The following TNKS variants were observed in gnomAD, a reference collection of about 807,000 sequenced individuals.
TNKS encodes poly [ADP-ribose] polymerase tankyrase-1.
A neutral mutation model predicts 135.8 loss-of-function variants in TNKS; 72 were observed. The observed-to-expected ratio is 0.53, with a 90% CI of 0.44 to 0.64. The LOEUF is 0.64. Ranked by LOEUF, TNKS falls within the 30% of genes least tolerant of loss-of-function variation. The pLI, the probability that TNKS is intolerant of heterozygous loss-of-function variation, is 0.00. For missense variants in TNKS, 1,769 were observed against 1,674.0 expected, an observed-to-expected ratio of 1.06 and a Z score of -0.99; for synonymous variants, 849 against 649.3, an observed-to-expected ratio of 1.31 and a Z score of -4.68.
chr8:9,668,828 T>C (rs192197867), intron 3 of TNKS, among the ~76,000 whole-genome samples: 124 of 152,312 alleles, frequency 8.1e-4, no homozygotes, highest in African/African-American at 2.8e-3. Flanking sequence ...TAAGGTGGAA[T>C]AGGGAACAGT....
intron 2 of TNKS, among the ~76,000 whole-genome samples, chr8:9,590,134 A>G (rs533916030): frequency 3.3e-4 from 50 of 152,266 alleles, no homozygotes; most frequent in African/African-American, 1.2e-3. Context: ...AATGCTCCAC[A>G]TAATTCCAGG....
intron 9 of TNKS, among the ~76,000 whole-genome samples, chr8:9,709,660 TTATGA>T (rs1804222450): frequency 1.3e-5 from 2 of 152,324 alleles, no homozygotes; most frequent in South Asian, 4.1e-4. Flanking sequence ...GGCATACGTA[TTATGA>T]TGCTCTCCAT....
At chr8:9,660,435 AC>A (rs1264794149) in intron 3 of TNKS, among the ~76,000 whole-genome samples, 3 of 152,220 alleles carry the variant, frequency 2.0e-5, no homozygotes, top group Non-Finnish European at 4.4e-5. Context: ...CGTTCAACAT[AC>A]GAAAATCAAT....
At chr8:9,672,530 C>T (rs1802323631) in intron 3 of TNKS, among the ~76,000 whole-genome samples, 1 of 151,526 alleles carries the variant, frequency 6.6e-6, no homozygotes, top group African/African-American at 2.4e-5. Flanking sequence ...GAATTGATGG[C>T]TGTAGAAAAA....
At chr8:9,700,365 G>C (rs1354685497) in intron 5 of TNKS, among the ~76,000 whole-genome samples, 1 of 152,178 alleles carries the variant, frequency 6.6e-6, no homozygotes, top group African/African-American at 2.4e-5. Flanking sequence ...CGCTTTCCTT[G>C]TTTTCATTGC....
At chr8:9,689,263 A>C (rs929483235) in intron 5 of TNKS, among the ~76,000 whole-genome samples, 4 of 152,208 alleles carry the variant, frequency 2.6e-5, no homozygotes, top group Non-Finnish European at 5.9e-5. Flanking sequence ...TATGAAAACA[A>C]ATTTCTAGAA....
At chr8:9,726,776 C>A in intron 13 of TNKS, 56 bp downstream of exon 13, 1 of 1,350,316 alleles carries the variant, frequency 7.4e-7, no homozygotes, top group East Asian at 2.3e-5. Context: ...CTAACCAATT[C>A]ATTTTTAAGC....
intron 5 of TNKS, among the ~76,000 whole-genome samples, chr8:9,689,320 A>C (rs943419169): frequency 1.3e-5 from 2 of 152,212 alleles, no homozygotes; most frequent in Non-Finnish European, 2.9e-5. Context: ...GAATGTTTTC[A>C]GTGACTAATT....
chr8:9,689,769 A>G (rs925307169), intron 5 of TNKS, among the ~76,000 whole-genome samples: 4 of 152,214 alleles, frequency 2.6e-5, no homozygotes, highest in Non-Finnish European at 5.9e-5. Context: ...TCTTAGCCAC[A>G]TTAAAATCAG....
In TNKS at chr8:9,748,193, C is replaced by CTCT; in HGVS notation, c.2813_2814insTCT (p.Thr938_Pro939insLeu). 6.3e-7 allele frequency: 1 copy of CTCT among 1,575,182 alleles called. No individual in the cohort carries two copies. Among genetic ancestry groups the CTCT allele is most frequent in the Non-Finnish European group, 8.6e-7 (1 of 1,160,648 alleles). Reference sequence around the variant, plus strand: ...ACCATGAAGAACCAGGAAGGCCAGACGCCTCTGGATCTGGCAACAGTAAGT... The same window carrying CTCT: ...ACCATGAAGAACCAGGAAGGCCAGACTCTGCCTCTGGATCTGGCAACAGTAAGT... On this transcript the variant is annotated inframe_insertion, in exon 18 of 27. Transcript: ENST00000310430.
intron 11 of TNKS, among the ~76,000 whole-genome samples, chr8:9,713,719 C>T (rs181491776): frequency 1.1e-4 from 17 of 152,248 alleles, no homozygotes; most frequent in Non-Finnish European, 2.1e-4. Flanking sequence ...TATCAAATGC[C>T]GTAGCAACTC....
intron 17 of TNKS, among the ~76,000 whole-genome samples, chr8:9,738,705 C>T (rs545850978): frequency 4.7e-5 from 3 of 64,382 alleles, no homozygotes; most frequent in East Asian, 8.2e-4. Context: ...TGTAGTTGAG[C>T]GGCTTTGAGT....
At chr8:9,713,595 C>A (rs909972898) in intron 11 of TNKS, among the ~76,000 whole-genome samples, 1 of 152,280 alleles carries the variant, frequency 6.6e-6, no homozygotes, top group Non-Finnish European at 1.5e-5. Flanking sequence ...TCATCCTAGT[C>A]TTTCCACTGT....
chr8:9,748,496 A>C (rs1361424774), intron 18 of TNKS, among the ~76,000 whole-genome samples: 2 of 152,230 alleles, frequency 1.3e-5, no homozygotes, highest in Admixed American at 6.5e-5. Context: ...AATTATATTT[A>C]GTAAAATATC....
Position 9,556,187 on chromosome 8 carries a change from C to T in TNKS, c.248C>T (p.Pro83Leu), listed in dbSNP as rs755714513. 1.9e-6 allele frequency: 3 copies of T among 1,613,340 alleles called. No individual in the cohort carries two copies. Among genetic ancestry groups the T allele is most frequent in the Non-Finnish European group, 2.5e-6 (3 of 1,179,532 alleles). The change falls in exon 1 of 27, where the codon CCG becomes CTG. Residue 83 changes from proline to leucine, a missense_variant. By Grantham distance (98) the Pro-to-Leu change is moderately conservative (BLOSUM62 -3). This residue lies in a region of TNKS where 450 missense variants were observed against 304.9 expected (regional missense o/e 1.48). Coordinates refer to ENST00000310430, the MANE Select transcript of TNKS (RefSeq NM_003747.3). ...CCCGACAGGCCCCGATCCCCGGACC[C>T]GGTTGACGGTACCAGCTGTTGCAGT... is the stretch of plus-strand genomic sequence containing the variant. ...DPPDRPRSPDPVDGTSCCSTT... is the reference protein window; with the variant it reads ...DPPDRPRSPDLVDGTSCCSTT...
intron 13 of TNKS, among the ~76,000 whole-genome samples, chr8:9,728,501 A>G (rs1805264583): frequency 6.6e-6 from 1 of 152,164 alleles, no homozygotes; most frequent in South Asian, 2.1e-4. Context: ...ACCTATTCCT[A>G]TTTTGTCAGT....
intron 5 of TNKS, among the ~76,000 whole-genome samples, chr8:9,688,474 G>T (rs1803114065): frequency 6.6e-6 from 1 of 152,130 alleles, no homozygotes; most frequent in Non-Finnish European, 1.5e-5. Flanking sequence ...TTAATTCATT[G>T]TATACCATTT....
At chr8:9,592,459 T>C (rs114045564) in intron 2 of TNKS, among the ~76,000 whole-genome samples, 1,740 of 152,300 alleles carry the variant, frequency 0.011, 15 homozygotes, top group African/African-American at 0.024. Flanking sequence ...ATAGTTCTAG[T>C]ATATTGTAAA....
chr8:9,608,066 G>A (rs1490031272), intron 2 of TNKS, among the ~76,000 whole-genome samples: 1 of 152,054 alleles, frequency 6.6e-6, no homozygotes, highest in Non-Finnish European at 1.5e-5. Flanking sequence ...TGAGCCCCAC[G>A]AATAGCTGGG....
Sources: gnomAD v4.1 joint callset for allele counts (sites outside exome capture counted in the v4.1 genomes callset) on GRCh38, gnomAD v4.1.1 for gene constraint, gnomAD v4.1.1 regional missense constraint, MANE v1.5 for transcripts, NCBI Gene and HGNC (gene_info 2026-07-23, HGNC 2026-07-21) for gene names.